CCNY: variants seen among roughly 807,000 people sequenced by gnomAD.
CCNY encodes the protein cyclin Y, also known as cyclin-Y.
Under a neutral mutation model 42.8 loss-of-function variants are expected in CCNY, and 19 were observed. That is an observed-to-expected ratio of 0.44 (90% CI 0.31 to 0.65). CCNY has a LOEUF of 0.65. Among genes scored for constraint, CCNY ranks in the 30% least tolerant of loss-of-function variants. The pLI is 0.07. For synonymous variants in CCNY, 165 were observed against 162.7 expected (o/e 1.01, Z -0.11); for missense variants, 370 against 437.3 (o/e 0.85, Z 1.37).
intron 1 of CCNY, among the ~76,000 whole-genome samples, chr10:35,377,253 C>T (rs570518775): frequency 3.2e-4 from 48 of 152,314 alleles, no homozygotes; most frequent in African/African-American, 9.1e-4. Context: ...ACTCAGCACT[C>T]ACTTGCTGAC....
chr10:35,507,658 G>T (rs991882195), intron 3 of CCNY, among the ~76,000 whole-genome samples: 1 of 152,176 alleles, frequency 6.6e-6, no homozygotes, highest in Non-Finnish European at 1.5e-5. Context: ...GTGTTTTTCT[G>T]TGGTATGGGT....
At chr10:35,277,686 T>C (rs1472093993) in intron 3 of CCNY, among the ~76,000 whole-genome samples, 1 of 152,206 alleles carries the variant, frequency 6.6e-6, no homozygotes. Context: ...GCACCAGAGA[T>C]ACTGCAACAG....
At chr10:35,265,922 A>G (rs2095724696) in intron 3 of CCNY, among the ~76,000 whole-genome samples, 1 of 152,216 alleles carries the variant, frequency 6.6e-6, no homozygotes, top group Admixed American at 6.5e-5. Flanking sequence ...TGTGGGTCAC[A>G]CAGCAGAAGC....
rs369265563 is a variant in CCNY at position 35,408,950 on chromosome 10, GT to G, written c.154+71755del. On this transcript the variant is annotated intron_variant, in intron 1 of 9. Coordinates refer to ENST00000374704, the MANE Select transcript of CCNY (RefSeq NM_145012.6). ...ATTACCCTGCTCAATTCTTGTTTTT[GT>G]TTTTTTTTTTTCATTCTAGTTATGA... 2.3e-3 allele frequency among the ~76,000 whole-genome samples: 319 copies of G among 139,594 alleles called. 2 individuals are homozygous for G. Among genetic ancestry groups the G allele is most frequent in the Middle Eastern group, 7.4e-3 (2 of 272 alleles). 91.6% of individuals were successfully genotyped at this position (139,594 alleles called of 152,430 possible).
intron 3 of CCNY, among the ~76,000 whole-genome samples, chr10:35,505,340 G>C (rs2135395533): frequency 6.6e-6 from 1 of 151,392 alleles, no homozygotes; most frequent in East Asian, 1.9e-4. Context: ...CCTTTGTCTT[G>C]TTTGCCATAG....
chr10:35,259,183 C>T (rs922311445), intron 3 of CCNY, among the ~76,000 whole-genome samples: 7 of 152,124 alleles, frequency 4.6e-5, no homozygotes, highest in Non-Finnish European at 7.4e-5. Flanking sequence ...GCTTCCTATT[C>T]GATCATCTTT....
chr10:35,303,796 A>T (rs1835568486), intron 3 of CCNY, among the ~76,000 whole-genome samples: 1 of 150,736 alleles, frequency 6.6e-6, no homozygotes, highest in Non-Finnish European at 1.5e-5. Flanking sequence ...AAAAAAAAAA[A>T]AAAAGAGGGA....
intron 3 of CCNY, among the ~76,000 whole-genome samples, chr10:35,262,485 A>G (rs2095720748): frequency 6.6e-6 from 1 of 151,702 alleles, no homozygotes; most frequent in African/African-American, 2.4e-5. Context: ...CTGCCTCCCG[A>G]GTAGCTGGGA....
intron 2 of CCNY, among the ~76,000 whole-genome samples, chr10:35,500,978 C>T (rs1840099783): frequency 6.6e-6 from 1 of 152,072 alleles, no homozygotes; most frequent in Non-Finnish European, 1.5e-5. Flanking sequence ...AGACAGAAGC[C>T]CAGCTGTATT....
chr10:35,334,222 CTCTT>C (rs1835980088), upstream of CCNY, among the ~76,000 whole-genome samples: 1 of 152,182 alleles, frequency 6.6e-6, no homozygotes, highest in Non-Finnish European at 1.5e-5. Flanking sequence ...GTGCCACTGT[CTCTT>C]TCTCCTCTTA....
At chr10:35,355,158 C>T (rs1330497040) in intron 1 of CCNY, among the ~76,000 whole-genome samples, 1 of 152,050 alleles carries the variant, frequency 6.6e-6, no homozygotes, top group Non-Finnish European at 1.5e-5. Context: ...GCCTTACTCT[C>T]CTGTGTGTTG....
intron 3 of CCNY, among the ~76,000 whole-genome samples, chr10:35,271,513 T>G (rs1007778146): frequency 2.6e-5 from 4 of 152,144 alleles, no homozygotes; most frequent in Admixed American, 2.6e-4. Flanking sequence ...AGCATTCTGT[T>G]CTCAACAAGG....
chr10:35,334,272 A>G (rs1835980334), upstream of CCNY, among the ~76,000 whole-genome samples: 1 of 152,208 alleles, frequency 6.6e-6, no homozygotes, highest in Non-Finnish European at 1.5e-5. Context: ...TAAATGTTAT[A>G]CATTTTATAA....
chr10:35,340,166 TGTCCAAA>T (rs1836144908), intron 1 of CCNY, among the ~76,000 whole-genome samples: 1 of 152,178 alleles, frequency 6.6e-6, no homozygotes, highest in Admixed American at 6.5e-5. Flanking sequence ...AGAAATGACT[TGTCCAAA>T]GTCACACAGC....
intron 1 of CCNY, among the ~76,000 whole-genome samples, chr10:35,481,121 C>T (rs909080659): frequency 2.6e-5 from 4 of 152,196 alleles, no homozygotes; most frequent in Admixed American, 6.5e-5. Flanking sequence ...ATAATGCTTT[C>T]GTCACCTAAT....
At chr10:35,411,593 C>T (rs1837906994) in intron 1 of CCNY, among the ~76,000 whole-genome samples, 1 of 143,934 alleles carries the variant, frequency 6.9e-6, no homozygotes, top group African/African-American at 2.5e-5. Flanking sequence ...CTCTACAATA[C>T]AATACCTTCT....
intron 1 of CCNY, among the ~76,000 whole-genome samples, chr10:35,416,760 A>G (rs1243826228): frequency 1.3e-5 from 2 of 152,168 alleles, no homozygotes; most frequent in Non-Finnish European, 2.9e-5. Context: ...AGGGCCGCGG[A>G]CCACCTGCTT....
rs372892606 is a variant in CCNY, at chr10:35,438,283, G to A, written c.155-45121G>A. ...CCCACCTCAGCCTTCCAAGTAGCTG[G>A]GATTATAGGTGCACACCACCATGCC... On this transcript the variant is annotated intron_variant, in intron 1 of 9. Transcript: ENST00000374704. Among the ~76,000 whole-genome samples the A allele has an allele frequency of 3.4e-4, 51 of 151,196 alleles. 1 individual carries two copies. The highest frequency in any genetic ancestry group is 1.2e-3 in the African/African-American group (51 of 41,140).
intron 1 of CCNY, among the ~76,000 whole-genome samples, chr10:35,476,511 T>C (rs1839513945): frequency 6.6e-6 from 1 of 152,046 alleles, no homozygotes; most frequent in East Asian, 1.9e-4. Context: ...ACATGGAAAC[T>C]GAACAACCTG....
Sources: allele counts gnomAD v4.1 joint callset (sites outside exome capture counted in the v4.1 genomes callset), GRCh38; gene constraint gnomAD v4.1.1; transcripts MANE v1.5; gene names NCBI Gene and HGNC (gene_info 2026-07-23, HGNC 2026-07-21).